GALNT13: variants seen among roughly 807,000 people sequenced by gnomAD.
GALNT13 encodes UDP-GalNAc:polypeptide N-acetylgalactosaminyltransferase 13.
Under a neutral mutation model 64.2 loss-of-function variants are expected in GALNT13, and 28 were observed. The ratio of observed to expected loss-of-function variants is 0.44; its 90% CI spans 0.32 to 0.60. The LOEUF (loss-of-function observed/expected upper bound fraction) is 0.60, where lower values mean the gene tolerates loss of function less well. Among genes scored for constraint, GALNT13 ranks in the 20% least tolerant of loss-of-function variants. The pLI is 0.05. For synonymous variants in GALNT13, 214 were observed against 224.6 expected (o/e 0.95, Z 0.42); for missense variants, 577 against 669.8 (o/e 0.86, Z 1.53).
the GALNT13 span, among the ~76,000 whole-genome samples, chr2:153,087,595 A>C: frequency 6.6e-6 from 1 of 152,156 alleles, no homozygotes; most frequent in Non-Finnish European, 1.5e-5. Flanking sequence ...TCAGCTGTGA[A>C]TGCATCTGGT....
intron 11 of GALNT13, among the ~76,000 whole-genome samples, chr2:154,418,538 C>A (rs1700123253): frequency 1.3e-5 from 2 of 152,144 alleles, no homozygotes; most frequent in Admixed American, 6.6e-5. Context: ...GTTGTAGTCA[C>A]AAGAACCTGG....
the GALNT13 span, among the ~76,000 whole-genome samples, chr2:153,652,542 G>C: frequency 6.6e-6 from 1 of 152,100 alleles, no homozygotes; most frequent in African/African-American, 2.4e-5. Context: ...TTGAACCCAG[G>C]AGGCGGAGGT....
chr2:153,810,301 T>G, the GALNT13 span, among the ~76,000 whole-genome samples: 5 of 152,148 alleles, frequency 3.3e-5, no homozygotes, highest in African/African-American at 7.2e-5. Flanking sequence ...GAAAATCCCC[T>G]ACAATTAGGC....
At chr2:153,228,178 G>A in the GALNT13 span, among the ~76,000 whole-genome samples, 1 of 152,320 alleles carries the variant, frequency 6.6e-6, no homozygotes, top group South Asian at 2.1e-4. Context: ...ATAAGAGTCA[G>A]AAAATCTGAA....
At chr2:154,405,382 T>C (rs995532006) in intron 10 of GALNT13, among the ~76,000 whole-genome samples, 2 of 151,870 alleles carry the variant, frequency 1.3e-5, no homozygotes, top group Admixed American at 6.6e-5. Flanking sequence ...GTGACACATA[T>C]AGAAGATAAG....
At chr2:154,180,707 A>G (rs956394214) in intron 4 of GALNT13, among the ~76,000 whole-genome samples, 8 of 152,084 alleles carry the variant, frequency 5.3e-5, no homozygotes, top group Non-Finnish European at 1.0e-4. Flanking sequence ...ATCTATCTGT[A>G]TATCTAAATT....
chr2:153,836,522 T>G, the GALNT13 span, among the ~76,000 whole-genome samples: 1 of 152,002 alleles, frequency 6.6e-6, no homozygotes, highest in Non-Finnish European at 1.5e-5. Context: ...TTTATATTTA[T>G]TATACTTTAA....
chr2:154,192,746 A>G (rs778645465), intron 4 of GALNT13, among the ~76,000 whole-genome samples: 1 of 152,168 alleles, frequency 6.6e-6, no homozygotes, highest in African/African-American at 2.4e-5. Context: ...ATCTTGAAGG[A>G]CAAAGGTTTT....
At chr2:153,452,138 C>A in the GALNT13 span, among the ~76,000 whole-genome samples, 3 of 152,162 alleles carry the variant, frequency 2.0e-5, no homozygotes, top group Non-Finnish European at 2.9e-5. Context: ...GCACTTGATG[C>A]TCTTTTTGCC....
At chr2:154,202,706 G>A (rs1687238386) in intron 4 of GALNT13, among the ~76,000 whole-genome samples, 1 of 151,882 alleles carries the variant, frequency 6.6e-6, no homozygotes, top group South Asian at 2.1e-4. Context: ...AAAATATTAA[G>A]AAGCTTTGTT....
chr2:153,393,117 T>A, the GALNT13 span, among the ~76,000 whole-genome samples: 12 of 152,024 alleles, frequency 7.9e-5, no homozygotes, highest in South Asian at 2.1e-4. Flanking sequence ...AACAAAGACA[T>A]CTGGGTAATC....
chr2:154,072,111 A>C lies in GALNT13; in HGVS notation c.143-68226A>C, dbSNP rs1700767226. ...AAACTAACATCTGTACCACATGATA[A>C]AACTATGGAAAACATGGAAAAGTGG... On this transcript the variant is annotated intron_variant, in intron 3 of 12. Transcript: ENST00000392825. Among the ~76,000 whole-genome samples the C allele has an allele frequency of 3.9e-5, 6 of 152,148 alleles. 1 individual carries two copies.
At chr2:154,222,028 A>G (rs930211368) in intron 4 of GALNT13, among the ~76,000 whole-genome samples, 3 of 152,068 alleles carry the variant, frequency 2.0e-5, no homozygotes, top group Non-Finnish European at 2.9e-5. Context: ...TTAAAATGCT[A>G]TGGGTGGGTG....
chr2:153,672,354 C>A, the GALNT13 span, among the ~76,000 whole-genome samples: 1 of 152,326 alleles, frequency 6.6e-6, no homozygotes, highest in Non-Finnish European at 1.5e-5. Context: ...CAAACTGTCT[C>A]TCACACCACA....
At position 154,236,145 on chromosome 2, in the gene GALNT13, G is replaced by A. The variant is rs536688951; in HGVS notation, c.312-5885G>A. ...TCTGACTTTCCCTGCTTTCGTGACA[G>A]TAAATATTGTCTTCTTGCTTTTATA... On this transcript the variant is annotated intron_variant, in intron 4 of 12. Transcript: ENST00000392825. 5.4e-5 allele frequency: 60 copies of A among 1,117,836 alleles called. No homozygotes were observed. The South Asian group carries it at 1.2e-3, about 22-fold the overall frequency. 69.2% of individuals were successfully genotyped at this position (1,117,836 alleles called of 1,614,324 possible). A position where few individuals can be genotyped will look rare whatever the true frequency, so the allele number is the denominator to read the frequency against.
At chr2:154,445,931 A>G in intron 12 of GALNT13, 1 of 584,130 alleles carries the variant, frequency 1.7e-6, no homozygotes, top group Non-Finnish European at 2.8e-6. Context: ...AGATAAATTA[A>G]TTAATTAAAA....
chr2:154,093,894 G>C (rs1701947672), intron 3 of GALNT13, among the ~76,000 whole-genome samples: 1 of 151,430 alleles, frequency 6.6e-6, no homozygotes, highest in African/African-American at 2.4e-5. Context: ...CAATCTGCTT[G>C]TTAAACTCGA....
At chr2:153,440,653 T>C in the GALNT13 span, among the ~76,000 whole-genome samples, 7 of 152,234 alleles carry the variant, frequency 4.6e-5, no homozygotes, top group Non-Finnish European at 2.9e-5. Flanking sequence ...CTATCTGGCA[T>C]GAGATGGTAT....
At chr2:153,960,429 G>A (rs1184487720) in intron 3 of GALNT13, among the ~76,000 whole-genome samples, 1 of 152,230 alleles carries the variant, frequency 6.6e-6, no homozygotes, top group Non-Finnish European at 1.5e-5. Context: ...TGAACAGACA[G>A]TGTTACAGCT....
Sources: allele counts gnomAD v4.1 joint callset (sites outside exome capture counted in the v4.1 genomes callset), GRCh38; gene constraint gnomAD v4.1.1; transcripts MANE v1.5; gene names NCBI Gene and HGNC (gene_info 2026-07-23, HGNC 2026-07-21).